Variants in SRRM1 observed in about 807,000 individuals in gnomAD.
SRRM1 encodes serine and arginine repetitive matrix 1, also known as serine/arginine repetitive matrix protein 1.
A neutral mutation model predicts 110.2 loss-of-function variants in SRRM1; 19 were observed. The ratio of observed to expected loss-of-function variants is 0.17; its 90% CI spans 0.12 to 0.25. The LOEUF (loss-of-function observed/expected upper bound fraction) is 0.25, where lower values mean the gene tolerates loss of function less well. SRRM1 is among the 10% of genes least tolerant of loss of function. The pLI, the probability that SRRM1 is intolerant of heterozygous loss-of-function variation, is 1.00. For synonymous variants in SRRM1, 443 were observed against 414.9 expected, an observed-to-expected ratio of 1.07 and a Z score of -0.82; for missense variants, 918 against 1,145.8, an observed-to-expected ratio of 0.80 and a Z score of 2.87.
At position 24,654,915 on chromosome 1, in the gene SRRM1, A is replaced by G. The variant is rs200202734; in HGVS notation, c.1101A>G (p.Ser367=). ...GSSSSSSSSR[S]RSPPKKPPKR... ...GCTCATCATCCTCTTCATCTCGTTC[A>G]CGGTCACCACCAAAGAAGCCTCCCA... The change falls in exon 9 of 17, where the codon TCA becomes TCG. Residue 367 remains serine (S), a synonymous_variant. Coordinates refer to ENST00000323848, the MANE Select transcript of SRRM1 (RefSeq NM_005839.4). 1.3e-5 allele frequency: 21 copies of G among 1,614,142 alleles called. No homozygotes were observed. The East Asian group carries it at 4.2e-4, about 33-fold the overall frequency.
intron 9 of SRRM1, among the ~76,000 whole-genome samples, chr1:24,657,706 A>T (rs1442740315): frequency 6.6e-6 from 1 of 152,204 alleles, no homozygotes. Flanking sequence ...CTTAGGGGAA[A>T]CATTTGTAAT....
In SRRM1 at chr1:24,670,215, C is replaced by T. The variant is rs775754919; in HGVS notation, c.2300C>T (p.Pro767Leu). 7 of 1,614,046 alleles carry T rather than the reference C, an allele frequency of 4.3e-6. No individual in the cohort carries two copies. In the African/African-American group the frequency reaches 6.7e-5, roughly 15 times the overall value. ...CCAGCAGCTAAAAAGCCCCCAGCACCTCCATCCCCCGTCCAGTCTCAGTCA... is the reference window on the plus strand; with the variant it reads ...CCAGCAGCTAAAAAGCCCCCAGCACTTCCATCCCCCGTCCAGTCTCAGTCA... Reference protein sequence around the residue: ...PEPAAKKPPAPPSPVQSQSPS... With the variant: ...PEPAAKKPPALPSPVQSQSPS... The change falls in exon 15 of 17, where the codon CCT (proline) becomes CTT (leucine). Residue 767 changes from proline to leucine, a missense_variant. Coordinates refer to ENST00000323848, the MANE Select transcript of SRRM1 (RefSeq NM_005839.4).
intron 9 of SRRM1, 67 bp from the exon 10 acceptor site, chr1:24,660,652 A>G (rs1455872339): frequency 2.7e-6 from 2 of 746,718 alleles, no homozygotes; most frequent in South Asian, 2.4e-5. Flanking sequence ...TTAAAAATTA[A>G]AAGAAAAGCA....
chr1:24,667,117 T>C (rs1237463563), intron 13 of SRRM1, among the ~76,000 whole-genome samples, 192 bp downstream of exon 13: 2 of 152,172 alleles, frequency 1.3e-5, no homozygotes, highest in South Asian at 2.1e-4. Flanking sequence ...TTATATCTTA[T>C]TAGAGTAAGC....
At position 24,666,848 on chromosome 1, in the gene SRRM1, C is replaced by T; in HGVS notation, c.1662C>T (p.Pro554=). 1.9e-6 allele frequency: 3 copies of T among 1,613,546 alleles called. No homozygotes were observed. The highest frequency in any genetic ancestry group is 1.1e-5 in the South Asian group (1 of 91,038). The change falls in exon 13 of 17, where the codon CCC becomes CCT. Residue 554 remains proline (P), a synonymous_variant. Coordinates refer to ENST00000323848, the MANE Select transcript of SRRM1 (RefSeq NM_005839.4). The part of the protein sequence containing the change: ...GRRRRSPSPP[P]TRRRRSPSPA... ...GGAGGAGAAGTCCATCCCCACCACCCACCAGAAGGCGACGGTCTCCTTCTC... is the reference window on the plus strand; with the variant it reads ...GGAGGAGAAGTCCATCCCCACCACCTACCAGAAGGCGACGGTCTCCTTCTC...
chr1:24,672,079 C>T (rs1279190520), intron 16 of SRRM1, 103 bp from the exon 17 acceptor site: 7 of 839,102 alleles, frequency 8.3e-6, no homozygotes, highest in Non-Finnish European at 1.3e-5. Context: ...CCACAACAGT[C>T]CCCGGTGTGT....
Position 24,672,334 on chromosome 1 carries a change from TC to T in SRRM1, c.*49del. On this transcript the variant is annotated 3_prime_UTR_variant, in exon 17 of 17. Coordinates refer to ENST00000323848, the MANE Select transcript of SRRM1 (RefSeq NM_005839.4). ...AAATTTTATTTGGTTTGTACGCAGT[TC>T]AATTTCAAAATTGCTAAAATGTGTT... 7.3e-7 allele frequency: 1 copy of T among 1,367,412 alleles called. No individual in the cohort carries two copies. The highest frequency in any genetic ancestry group is 1.0e-6 in the Non-Finnish European group (1 of 991,666). The allele number at this position is 1,367,412 out of a possible 1,614,324, so 84.7% of individuals were successfully genotyped here.
rs1659800139 is a variant in SRRM1, at chr1:24,650,172, G to A, written c.521+86G>A. On this transcript the variant is annotated intron_variant, in intron 5 of 16. Transcript: ENST00000323848. ...CTTAGTTAAAAAGGAATCTAACAGC[G>A]CTATTCAAGGAATTTGTTCCATCAT... is the stretch of plus-strand genomic sequence containing the variant. 8 of 1,282,562 alleles carry A rather than the reference G, an allele frequency of 6.2e-6. No homozygotes were observed. In the South Asian group the frequency reaches 7.9e-5, roughly 13 times the overall value. The allele number at this position is 1,282,562 out of a possible 1,614,324, so 79.4% of individuals were successfully genotyped here.
intron 12 of SRRM1, among the ~76,000 whole-genome samples, chr1:24,665,617 G>T (rs923271256): frequency 2.0e-5 from 3 of 152,120 alleles, no homozygotes; most frequent in Non-Finnish European, 4.4e-5. Flanking sequence ...GGAGGCTGAG[G>T]CAGGAGAATG....
intron 12 of SRRM1, chr1:24,663,064 A>G: frequency 3.0e-6 from 3 of 1,010,846 alleles, no homozygotes; most frequent in Non-Finnish European, 4.3e-6. Context: ...CTATTATAGC[A>G]GTAACTCCTG....
Position 24,669,577 on chromosome 1 carries a change from A to G in SRRM1, c.2194A>G (p.Lys732Glu). ...RRVSRTPEPK[K>E]IKKAASPSPQ... Reference sequence around the variant, plus strand: ...AGTCTCCAGGACTCCGGAACCTAAAAAGATAAAAAAGTAAAAATATTTTAT... The same window carrying G: ...AGTCTCCAGGACTCCGGAACCTAAAGAGATAAAAAAGTAAAAATATTTTAT... The change falls in exon 14 of 17, where the codon AAG becomes GAG. Residue 732 changes from lysine to glutamate, a missense_variant. By Grantham distance (56) the Lys-to-Glu change is moderately conservative. Coordinates refer to ENST00000323848, the MANE Select transcript of SRRM1 (RefSeq NM_005839.4). 6.4e-7 allele frequency: 1 copy of G among 1,553,766 alleles called. No homozygotes were observed. The highest frequency in any genetic ancestry group is 8.7e-7 in the Non-Finnish European group (1 of 1,146,590).
chr1:24,667,493 C>T (rs567890270), intron 13 of SRRM1, among the ~76,000 whole-genome samples: 12 of 152,280 alleles, frequency 7.9e-5, no homozygotes, highest in Non-Finnish European at 2.9e-5. Context: ...TCGTGTATTT[C>T]CTGGATACCT....
intron 5 of SRRM1, among the ~76,000 whole-genome samples, chr1:24,650,828 A>G (rs111733917): frequency 6.6e-6 from 1 of 152,340 alleles, no homozygotes; most frequent in African/African-American, 2.4e-5. Context: ...TTGATGAAGT[A>G]TGTCTGCCAT....
At chr1:24,653,063 T>C (rs896615536) in intron 8 of SRRM1, 31 bp downstream of exon 8, 6 of 1,596,796 alleles carry the variant, frequency 3.8e-6, no homozygotes, top group Non-Finnish European at 5.1e-6. Flanking sequence ...AAGTGTCAAG[T>C]GTTTGACACT....
chr1:24,666,943 C>T lies in SRRM1; in HGVS notation c.1739+18C>T, dbSNP rs1337769606. 1 of 1,560,944 alleles carries T rather than the reference C, an allele frequency of 6.4e-7. No individual in the cohort carries two copies. Among genetic ancestry groups the T allele is most frequent in the South Asian group, 1.2e-5 (1 of 85,768 alleles). On this transcript the variant is annotated intron_variant, in intron 13 of 16. Coordinates refer to ENST00000323848, the MANE Select transcript of SRRM1 (RefSeq NM_005839.4). ...CGACGAAGGTACTTTGTCAAATATGCTAACTGGAGCATCTCCCCAACTCCC... is the reference window on the plus strand; with the variant it reads ...CGACGAAGGTACTTTGTCAAATATGTTAACTGGAGCATCTCCCCAACTCCC...
Position 24,651,560 on chromosome 1 carries a change from G to C in SRRM1, c.673G>C (p.Glu225Gln), listed in dbSNP as rs551811078. The C allele has an allele frequency of 1.4e-5, 23 of 1,613,852 alleles. No homozygotes were observed. The Middle Eastern group carries it at 1.0e-3, about 71-fold the overall frequency. ...GAAGGAAAAAACTCCAGAGCTCCCA[G>C]AACCTTCAGTGAAAGTAAAAGAACC... ...EKKEKTPELPEPSVKVKEPSV... is the reference protein window; with the variant it reads ...EKKEKTPELPQPSVKVKEPSV... The change falls in exon 6 of 17, where the codon GAA becomes CAA. Residue 225 changes from glutamate (E) to glutamine (Q), a missense_variant. By Grantham distance (29) the Glu-to-Gln change is conservative. Coordinates refer to ENST00000323848, the MANE Select transcript of SRRM1 (RefSeq NM_005839.4).
At chr1:24,667,926 C>T (rs1360861401) in intron 13 of SRRM1, among the ~76,000 whole-genome samples, 5 of 144,424 alleles carry the variant, frequency 3.5e-5, no homozygotes, top group South Asian at 4.3e-4. Flanking sequence ...TGTCATTGCT[C>T]GGATATGTTG....
intron 9 of SRRM1, among the ~76,000 whole-genome samples, chr1:24,657,534 A>G (rs952891824): frequency 7.2e-5 from 11 of 152,208 alleles, no homozygotes; most frequent in African/African-American, 2.4e-4. Flanking sequence ...ATTGAAATGT[A>G]ATAGATATTA....
chr1:24,670,177 C>T lies in SRRM1; in HGVS notation c.2262C>T (p.Ser754=), dbSNP rs777253869. ...GGGTCTCATCCTCCCGATCTGTCTC[C>T]GGGTCTCCTGAGCCAGCAGCTAAAA... The part of the protein sequence containing the change: ...VRRVSSSRSV[S]GSPEPAAKKP... The change falls in exon 15 of 17, where the codon TCC becomes TCT. Residue 754 remains serine, a synonymous_variant. Coordinates refer to ENST00000323848, the MANE Select transcript of SRRM1 (RefSeq NM_005839.4). 28 of 1,613,842 alleles carry T rather than the reference C, an allele frequency of 1.7e-5. No individual in the cohort carries two copies. The highest frequency in any genetic ancestry group is 8.8e-5 in the South Asian group (8 of 91,070).
Sources: gnomAD v4.1 joint callset for allele counts (sites outside exome capture counted in the v4.1 genomes callset) on GRCh38, gnomAD v4.1.1 for gene constraint, MANE v1.5 for transcripts, NCBI Gene and HGNC (gene_info 2026-07-23, HGNC 2026-07-21) for gene names.